BTRC: variants seen among roughly 807,000 people sequenced by gnomAD.
BTRC encodes F-box/WD repeat-containing protein 1A.
In BTRC, 42 loss-of-function variants were observed where a neutral mutation model predicts 85.5. The observed-to-expected ratio is 0.49, with a 90% CI of 0.38 to 0.64. The LOEUF (loss-of-function observed/expected upper bound fraction) is 0.64, where lower values mean the gene tolerates loss of function less well. Ranked by LOEUF, BTRC falls within the 30% of genes least tolerant of loss-of-function variation. The pLI is 0.00. For missense variants in BTRC, 594 were observed against 743.5 expected, an observed-to-expected ratio of 0.80 and a Z score of 2.34; for synonymous variants, 255 against 263.3, an observed-to-expected ratio of 0.97 and a Z score of 0.30.
At chr10:101,493,975 T>G (rs1946199725) in intron 4 of BTRC, among the ~76,000 whole-genome samples, 2 of 152,324 alleles carry the variant, frequency 1.3e-5, no homozygotes, top group South Asian at 4.1e-4. Flanking sequence ...TTTAGCCCTG[T>G]CGGTCTTGTT....
chr10:101,432,826 G>A (rs117750527), intron 2 of BTRC, among the ~76,000 whole-genome samples: 26 of 152,246 alleles, frequency 1.7e-4, no homozygotes, highest in Non-Finnish European at 3.4e-4. Context: ...GTCATGGATG[G>A]CATTACTGCC....
At chr10:101,388,016 C>T (rs1218549114) in intron 1 of BTRC, among the ~76,000 whole-genome samples, 3 of 152,020 alleles carry the variant, frequency 2.0e-5, no homozygotes, top group African/African-American at 7.2e-5. Flanking sequence ...GATAGCTTGT[C>T]AAGTTCAAAA....
intron 1 of BTRC, among the ~76,000 whole-genome samples, chr10:101,376,822 G>A (rs933469887): frequency 6.6e-6 from 1 of 152,038 alleles, no homozygotes; most frequent in African/African-American, 2.4e-5. Context: ...CTAACACAAA[G>A]CAATTCATAC....
chr10:101,462,679 CAA>C (rs564048359), intron 3 of BTRC, among the ~76,000 whole-genome samples: 195 of 99,278 alleles, frequency 2.0e-3, no homozygotes, highest in South Asian at 5.5e-3. Flanking sequence ...AACTCCGTCT[CAA>C]AAAAAAAAAA....
intron 2 of BTRC, among the ~76,000 whole-genome samples, chr10:101,461,227 G>A (rs1458596273): frequency 6.6e-6 from 1 of 152,088 alleles, no homozygotes; most frequent in Admixed American, 6.6e-5. Context: ...AAATATTAAT[G>A]TTATTAATGT....
At chr10:101,487,881 T>G (rs1368413331) in intron 4 of BTRC, among the ~76,000 whole-genome samples, 2 of 152,208 alleles carry the variant, frequency 1.3e-5, no homozygotes, top group Admixed American at 6.5e-5. Flanking sequence ...GTTACTTTTT[T>G]TCTTGCTGTG....
chr10:101,519,364 G>A (rs952850459), intron 4 of BTRC, among the ~76,000 whole-genome samples: 7 of 152,078 alleles, frequency 4.6e-5, no homozygotes, highest in Non-Finnish European at 8.8e-5. Flanking sequence ...ACAGACATGA[G>A]CCACCACACC....
At chr10:101,534,597 A>G in intron 9 of BTRC, 64 bp from the exon 10 acceptor site, 2 of 1,596,466 alleles carry the variant, frequency 1.3e-6, no homozygotes, top group Admixed American at 1.7e-5. Flanking sequence ...AGGGCGCATG[A>G]TGGTCAAATA....
chr10:101,455,983 A>ACACACACACACCCACACACACACAC (rs1554881061), intron 2 of BTRC, among the ~76,000 whole-genome samples: 1 of 96,000 alleles, frequency 1.0e-5, no homozygotes, highest in Non-Finnish European at 2.0e-5. Context: ...CTCTACTAAA[A>ACACACACACACCCACACACACACAC]ACACACACAC....
chr10:101,372,523 G>A (rs1942668589), intron 1 of BTRC, among the ~76,000 whole-genome samples: 1 of 147,536 alleles, frequency 6.8e-6, no homozygotes, highest in Admixed American at 6.8e-5. Flanking sequence ...CAAAGTGTTG[G>A]GATTACAGGT....
chr10:101,415,117 A>G (rs1486039939), intron 1 of BTRC, among the ~76,000 whole-genome samples: 2 of 152,096 alleles, frequency 1.3e-5, no homozygotes, highest in African/African-American at 4.8e-5. Context: ...ACCCAGAGCA[A>G]CTTGCAATCC....
chr10:101,468,695 T>C (rs905032447), intron 3 of BTRC, among the ~76,000 whole-genome samples: 2 of 152,226 alleles, frequency 1.3e-5, no homozygotes, highest in African/African-American at 4.8e-5. Context: ...CATTATACTA[T>C]ATCTTGTTAT....
chr10:101,373,615 C>T (rs1191621998), intron 1 of BTRC, among the ~76,000 whole-genome samples: 1 of 151,930 alleles, frequency 6.6e-6, no homozygotes, highest in Non-Finnish European at 1.5e-5. Flanking sequence ...AAGATATATT[C>T]GTATAAATAA....
At chr10:101,392,542 G>A (rs1943262006) in intron 1 of BTRC, among the ~76,000 whole-genome samples, 2 of 152,016 alleles carry the variant, frequency 1.3e-5, no homozygotes, top group African/African-American at 4.8e-5. Flanking sequence ...TGTTGCCCAG[G>A]CTAGAGTGCA....
chr10:101,414,191 A>G (rs1203731536), intron 1 of BTRC, among the ~76,000 whole-genome samples: 2 of 152,198 alleles, frequency 1.3e-5, no homozygotes, highest in African/African-American at 4.8e-5. Context: ...TACTCTAGGT[A>G]ACTCATATAA....
In BTRC at chr10:101,538,264, A is replaced by G. The variant is rs779666538; in HGVS notation, c.1578-29A>G. The G allele has an allele frequency of 1.2e-5, 19 of 1,587,324 alleles. No homozygotes were observed. In the South Asian group the frequency reaches 2.0e-4, roughly 17 times the overall value. ...CCTTCTCTTACATTTGCTTTTAACT[A>G]ACATTTTTGTCCCCTTTTTGATCTT... is the stretch of plus-strand genomic sequence containing the variant. On this transcript the variant is annotated intron_variant, in intron 12 of 14. Coordinates refer to ENST00000370187, the MANE Select transcript of BTRC (RefSeq NM_033637.4).
intron 2 of BTRC, among the ~76,000 whole-genome samples, chr10:101,454,160 A>T (rs968877682): frequency 3.9e-5 from 6 of 152,202 alleles, no homozygotes; most frequent in Admixed American, 3.9e-4. Flanking sequence ...GTCTGGGTTT[A>T]GGGTTTCAAT....
chr10:101,412,709 T>A (rs1943815377), intron 1 of BTRC, among the ~76,000 whole-genome samples: 1 of 152,222 alleles, frequency 6.6e-6, no homozygotes, highest in Non-Finnish European at 1.5e-5. Flanking sequence ...GTATATTAAC[T>A]ATGAGTAACT....
chr10:101,515,864 T>C (rs2062016519), intron 4 of BTRC, among the ~76,000 whole-genome samples: 1 of 152,168 alleles, frequency 6.6e-6, no homozygotes, highest in African/African-American at 2.4e-5. Context: ...GTACTACAAA[T>C]TGTATAGGTG....
Sources: gnomAD v4.1 joint callset for allele counts (sites outside exome capture counted in the v4.1 genomes callset) on GRCh38, gnomAD v4.1.1 for gene constraint, MANE v1.5 for transcripts, NCBI Gene and HGNC (gene_info 2026-07-23, HGNC 2026-07-21) for gene names.